The following GHR variants were observed in gnomAD, a reference collection of about 807,000 sequenced individuals.
GHR encodes the protein GH receptor.
A neutral mutation model predicts 67.1 loss-of-function variants in GHR; 35 were observed. That is an observed-to-expected ratio of 0.52 (90% CI 0.40 to 0.69). GHR has a LOEUF of 0.69. Ranked by LOEUF, GHR falls within the 30% of genes least tolerant of loss-of-function variation. The pLI is 0.00. For synonymous variants in GHR, 272 were observed against 269.1 expected, an observed-to-expected ratio of 1.01 and a Z score of -0.10; for missense variants, 792 against 764.6, an observed-to-expected ratio of 1.04 and a Z score of -0.42.
chr5:42,622,116 G>C (rs1753476567), intron 2 of GHR, among the ~76,000 whole-genome samples: 1 of 152,206 alleles, frequency 6.6e-6, no homozygotes, highest in African/African-American at 2.4e-5. Context: ...GCTGCCTGAG[G>C]ACCCACTGAG....
At chr5:42,435,396 C>G (rs1035733565) in intron 1 of GHR, among the ~76,000 whole-genome samples, 2 of 152,138 alleles carry the variant, frequency 1.3e-5, no homozygotes, top group East Asian at 3.8e-4. Flanking sequence ...TAATAAAAGC[C>G]ATTCCTGGGT....
intron 2 of GHR, among the ~76,000 whole-genome samples, chr5:42,622,837 A>G (rs1237349801): frequency 1.3e-5 from 2 of 152,138 alleles, no homozygotes; most frequent in East Asian, 3.9e-4. Flanking sequence ...TCATTGCCAT[A>G]AGTAGATTTC....
rs375879656 is a variant in GHR, at chr5:42,713,528, G to A, written c.875+9G>A. On this transcript the variant is annotated intron_variant, in intron 8 of 9. Transcript: ENST00000230882. ...TTTTCTAAACAGCAAAGGTAGGTGT[G>A]GAGTAGTATTCTTTGGTATTTTGTA... The A allele has an allele frequency of 2.5e-5, 28 of 1,117,650 alleles. No homozygotes were observed. Among genetic ancestry groups the A allele is most frequent in the Non-Finnish European group, 3.3e-5 (24 of 734,686 alleles). The allele number at this position is 1,117,650 out of a possible 1,614,324, so 69.2% of individuals were successfully genotyped here. A position where few individuals can be genotyped will look rare whatever the true frequency, so the allele number is the denominator to read the frequency against.
intron 1 of GHR, among the ~76,000 whole-genome samples, chr5:42,505,122 GTT>G (rs35690685): frequency 2.2e-5 from 3 of 134,910 alleles, no homozygotes; most frequent in African/African-American, 8.2e-5. Flanking sequence ...GCTGTTGACT[GTT>G]TTTTTTTTTT....
intron 1 of GHR, among the ~76,000 whole-genome samples, chr5:42,461,981 T>C (rs1744506306): frequency 6.6e-6 from 1 of 152,212 alleles, no homozygotes; most frequent in South Asian, 2.1e-4. Context: ...ATTGTGAATG[T>C]TCTCCCTCTG....
intron 1 of GHR, chr5:42,468,906 GGGCT>G (rs1554054138): frequency 3.2e-6 from 2 of 626,870 alleles, no homozygotes; most frequent in Non-Finnish European, 5.2e-6. Context: ...GGATTGCAGC[GGGCT>G]GCGCCGAGCC....
intron 6 of GHR, among the ~76,000 whole-genome samples, chr5:42,702,328 T>G (rs1488158835): frequency 2.0e-5 from 3 of 152,152 alleles, no homozygotes; most frequent in Admixed American, 6.6e-5. Flanking sequence ...ATCATTTTTC[T>G]TAATATAATA....
intron 7 of GHR, among the ~76,000 whole-genome samples, chr5:42,711,584 AG>A (rs1300676622): frequency 1.3e-5 from 2 of 152,152 alleles, no homozygotes; most frequent in Non-Finnish European, 2.9e-5. Flanking sequence ...ATTCAGGAGA[AG>A]TCCGGGGGGC....
chr5:42,579,145 GAT>G (rs1320143277), intron 2 of GHR, among the ~76,000 whole-genome samples: 11 of 44,856 alleles, frequency 2.5e-4, no homozygotes, highest in East Asian at 6.9e-4. Flanking sequence ...ATAGATGATA[GAT>G]AGATATAGAT....
chr5:42,624,924 A>G (rs375761443), intron 2 of GHR, among the ~76,000 whole-genome samples: 22 of 151,992 alleles, frequency 1.4e-4, no homozygotes, highest in African/African-American at 5.3e-4. Context: ...TTACAATGCA[A>G]TTTTGCTTTC....
chr5:42,447,694 T>G (rs1213434230), intron 1 of GHR, among the ~76,000 whole-genome samples: 3 of 83,542 alleles, frequency 3.6e-5, no homozygotes, highest in African/African-American at 1.4e-4. Context: ...CCTCCCTCCC[T>G]CCCTCTATCT....
At chr5:42,469,633 A>G (rs1168977137) in intron 1 of GHR, among the ~76,000 whole-genome samples, 3 of 152,148 alleles carry the variant, frequency 2.0e-5, no homozygotes, top group Non-Finnish European at 4.4e-5. Context: ...AGGACCAGCC[A>G]GTCTCCCAGA....
chr5:42,468,720 G>T, intron 1 of GHR: 1 of 983,568 alleles, frequency 1.0e-6, no homozygotes, highest in Non-Finnish European at 1.6e-6. Flanking sequence ...TGCCGCTCTT[G>T]GCCCCAGAGA....
intron 3 of GHR, among the ~76,000 whole-genome samples, chr5:42,683,752 A>G (rs754478956): frequency 6.6e-6 from 1 of 152,210 alleles, no homozygotes; most frequent in Non-Finnish European, 1.5e-5. Context: ...AGAACAAAAC[A>G]GCTCTGCTGC....
chr5:42,528,473 G>T (rs1367033867), intron 1 of GHR, among the ~76,000 whole-genome samples: 1 of 152,152 alleles, frequency 6.6e-6, no homozygotes, highest in Non-Finnish European at 1.5e-5. Flanking sequence ...TGACTGAATT[G>T]CTACAGTCTC....
At chr5:42,432,650 T>C (rs1026280110) in intron 1 of GHR, among the ~76,000 whole-genome samples, 5 of 152,210 alleles carry the variant, frequency 3.3e-5, no homozygotes, top group African/African-American at 9.7e-5. Flanking sequence ...ATAGAGCCTC[T>C]GCAGTGGCTT....
intron 3 of GHR, among the ~76,000 whole-genome samples, chr5:42,673,224 G>GT (rs1580173456): frequency 6.6e-6 from 1 of 152,114 alleles, no homozygotes; most frequent in Non-Finnish European, 1.5e-5. Context: ...TATCACACCA[G>GT]TCAGAATAGC....
chr5:42,542,953 A>G (rs1748580569), intron 1 of GHR, among the ~76,000 whole-genome samples: 1 of 152,122 alleles, frequency 6.6e-6, no homozygotes, highest in Non-Finnish European at 1.5e-5. Flanking sequence ...AGTTGCTGCA[A>G]AAGACATTAT....
chr5:42,574,967 A>G (rs891548307), intron 2 of GHR, among the ~76,000 whole-genome samples: 1 of 152,212 alleles, frequency 6.6e-6, no homozygotes, highest in Non-Finnish European at 1.5e-5. Context: ...AATAAATACT[A>G]TATAAATTAC....
Sources: allele counts gnomAD v4.1 joint callset (sites outside exome capture counted in the v4.1 genomes callset), GRCh38; gene constraint gnomAD v4.1.1; transcripts MANE v1.5; gene names NCBI Gene and HGNC (gene_info 2026-07-23, HGNC 2026-07-21).